The following PHLPP1 variants were observed in gnomAD, a reference collection of about 807,000 sequenced individuals.
The protein encoded by PHLPP1 is PH domain and leucine rich repeat protein phosphatase 1.
Under a neutral mutation model 117.2 loss-of-function variants are expected in PHLPP1, and 42 were observed. The observed-to-expected ratio is 0.36, with a 90% CI of 0.28 to 0.46. The LOEUF is 0.46. Ranked by LOEUF, PHLPP1 falls within the 20% of genes least tolerant of loss-of-function variation. PHLPP1 has a pLI of 1.00. For synonymous variants in PHLPP1, 1,042 were observed against 970.7 expected (o/e 1.07, Z -1.37); for missense variants, 2,084 against 2,241.9 (o/e 0.93, Z 1.42).
At chr18:62,962,939 C>T (rs938175764) in intron 13 of PHLPP1, among the ~76,000 whole-genome samples, 1 of 152,190 alleles carries the variant, frequency 6.6e-6, no homozygotes, top group East Asian at 1.9e-4. Flanking sequence ...GCAGAATTCT[C>T]TCACATCATC....
chr18:62,924,111 T>A (rs1909554262), intron 10 of PHLPP1, among the ~76,000 whole-genome samples: 2 of 152,092 alleles, frequency 1.3e-5, no homozygotes, highest in Admixed American at 6.6e-5. Flanking sequence ...AATTACACGG[T>A]TGGTCTAGTA....
At chr18:62,955,123 C>T (rs1270961554) in intron 12 of PHLPP1, among the ~76,000 whole-genome samples, 3 of 152,086 alleles carry the variant, frequency 2.0e-5, no homozygotes, top group African/African-American at 7.2e-5. Flanking sequence ...GCATATTGCA[C>T]CAGATAAAAA....
chr18:62,880,556 G>A (rs190939493), intron 4 of PHLPP1, among the ~76,000 whole-genome samples: 76 of 151,784 alleles, frequency 5.0e-4, no homozygotes, highest in African/African-American at 1.6e-3. Context: ...CTAGTGTGGC[G>A]GTTAATATTA....
chr18:62,827,839 C>T (rs1914652043), intron 1 of PHLPP1, among the ~76,000 whole-genome samples: 1 of 152,188 alleles, frequency 6.6e-6, no homozygotes. Context: ...CTGGGGCTTT[C>T]TGTAGGATGT....
At chr18:62,916,599 A>AGGGT (rs1401781242) in intron 9 of PHLPP1, among the ~76,000 whole-genome samples, 2 of 129,450 alleles carry the variant, frequency 1.5e-5, no homozygotes, top group African/African-American at 2.9e-5. Context: ...CATTAACAAG[A>AGGGT]GGGTGGGTGT....
intron 8 of PHLPP1, among the ~76,000 whole-genome samples, chr18:62,913,847 G>A (rs1386318088): frequency 6.8e-6 from 1 of 147,918 alleles, no homozygotes; most frequent in East Asian, 2.0e-4. Context: ...GGGTTCAAAC[G>A]ATTCTCGTGC....
At chr18:62,947,973 C>T (rs35501669) in intron 12 of PHLPP1, among the ~76,000 whole-genome samples, 82 of 151,902 alleles carry the variant, frequency 5.4e-4, no homozygotes, top group Middle Eastern at 3.4e-3. Flanking sequence ...TGCAGTGAGC[C>T]GAGATTGCGC....
intron 1 of PHLPP1, among the ~76,000 whole-genome samples, chr18:62,822,006 A>G (rs910750677): frequency 1.3e-5 from 2 of 152,170 alleles, no homozygotes; most frequent in Admixed American, 1.3e-4. Context: ...TGAGGCAGAA[A>G]GATCACCTGA....
At chr18:62,757,150 G>A (rs1912051212) in intron 1 of PHLPP1, among the ~76,000 whole-genome samples, 1 of 152,178 alleles carries the variant, frequency 6.6e-6, no homozygotes, top group African/African-American at 2.4e-5. Context: ...GTAGGTAGGT[G>A]CCAGTTTATA....
At chr18:62,762,857 A>G (rs1195727531) in intron 1 of PHLPP1, among the ~76,000 whole-genome samples, 2 of 152,180 alleles carry the variant, frequency 1.3e-5, no homozygotes, top group Non-Finnish European at 2.9e-5. Flanking sequence ...AAATACCTCT[A>G]TTGCATGTAT....
At chr18:62,804,906 C>T (rs1275864148) in intron 1 of PHLPP1, among the ~76,000 whole-genome samples, 1 of 149,172 alleles carries the variant, frequency 6.7e-6, no homozygotes, top group Non-Finnish European at 1.5e-5. Context: ...TATACATATA[C>T]AGTATAATAT....
At chr18:62,965,837 TA>T (rs397807088) in intron 14 of PHLPP1, among the ~76,000 whole-genome samples, 8,477 of 135,634 alleles carry the variant, frequency 0.062, 336 homozygotes, top group Non-Finnish European at 0.093. Flanking sequence ...CACTATACTT[TA>T]AAAAAAAAAA....
chr18:62,759,818 C>G (rs1357128851), intron 1 of PHLPP1, among the ~76,000 whole-genome samples: 1 of 152,008 alleles, frequency 6.6e-6, no homozygotes, highest in Non-Finnish European at 1.5e-5. Context: ...CTATATTGTT[C>G]CTCCCCTCCC....
intron 1 of PHLPP1, among the ~76,000 whole-genome samples, chr18:62,771,189 G>A (rs1382021395): frequency 6.6e-6 from 1 of 150,554 alleles, no homozygotes; most frequent in Non-Finnish European, 1.5e-5. Context: ...CCTCCAGCCT[G>A]GGCGACAGAG....
intron 1 of PHLPP1, among the ~76,000 whole-genome samples, chr18:62,799,770 T>C (rs1289232072): frequency 6.6e-6 from 1 of 152,244 alleles, no homozygotes; most frequent in African/African-American, 2.4e-5. Context: ...AAAATATAGC[T>C]GAGGGTTTTT....
chr18:62,716,228 G>C lies in PHLPP1; in HGVS notation c.545G>C (p.Arg182Pro). 1 of 1,528,668 alleles carries C rather than the reference G, an allele frequency of 6.5e-7. No individual in the cohort carries two copies. The allele number at this position is 1,528,668 out of a possible 1,614,324, so 94.7% of individuals were successfully genotyped here. A position where few individuals can be genotyped will look rare whatever the true frequency, so the allele number is the denominator to read the frequency against. Residue 182 changes from arginine to proline, a missense_variant, in exon 1 of 17, where the codon CGG becomes CCG. Around this residue, in one of 2 missense-constraint regions of PHLPP1, gnomAD observed 719 missense variants for 636.0 expected, o/e 1.13. Transcript: ENST00000262719. The surrounding 1 kb of genome is among the most constrained non-coding windows in gnomAD (Gnocchi z 5.7). Reference sequence around the variant, plus strand: ...AGGAAGACGCTGCTTCTGAAGCACCGGCAGACGCTGCAGCTGCAGCCGTCG... The same window carrying C: ...AGGAAGACGCTGCTTCTGAAGCACCCGCAGACGCTGCAGCTGCAGCCGTCG... The part of the protein sequence containing the change: ...LDRKTLLLKH[R>P]QTLQLQPSDR...
intron 1 of PHLPP1, among the ~76,000 whole-genome samples, chr18:62,717,964 A>G (rs542571926): frequency 6.6e-5 from 10 of 152,308 alleles, no homozygotes; most frequent in African/African-American, 2.4e-4. Context: ...GACCACCGCA[A>G]TACGCCTTGC....
chr18:62,920,068 A>C lies in PHLPP1; in HGVS notation c.2914A>C (p.Asn972His). 1 of 1,613,752 alleles carries C rather than the reference A, an allele frequency of 6.2e-7. No homozygotes were observed. The highest frequency in any genetic ancestry group is 8.5e-7 in the Non-Finnish European group (1 of 1,179,808). Residue 972 changes from asparagine (N) to histidine (H), a missense_variant, in exon 10 of 17, where the codon AAC (asparagine) becomes CAC (histidine). Physicochemically the swap from Asn to His is moderately conservative, Grantham distance 68 (BLOSUM62 1). Transcript: ENST00000262719. ...TSVEVLDVQH[N>H]QLLELPPNLL... is the part of the protein sequence containing the mutation. The stretch of plus-strand genomic sequence containing the variant: ...GGTGGAGGTCTTGGATGTGCAACAC[A>C]ACCAGCTCCTTGAGCTCCCACCTAA...
chr18:62,821,868 C>G (rs77851659), intron 1 of PHLPP1, among the ~76,000 whole-genome samples: 51 of 152,024 alleles, frequency 3.4e-4, no homozygotes, highest in African/African-American at 1.2e-3. Context: ...TCTCCCACCT[C>G]CTACTCAAGC....
Sources: gnomAD v4.1 joint callset for allele counts (sites outside exome capture counted in the v4.1 genomes callset) on GRCh38, gnomAD v4.1.1 for gene constraint, gnomAD v4.1.1 regional missense constraint, Gnocchi (gnomAD v3.1) non-coding constraint, MANE v1.5 for transcripts, NCBI Gene and HGNC (gene_info 2026-07-23, HGNC 2026-07-21) for gene names.